P2RY1: variants seen among roughly 807,000 people sequenced by gnomAD.
P2RY1 encodes P2Y purinoceptor 1.
P2RY1 carries 14 observed loss-of-function variants against 22.8 expected under a neutral mutation model. The ratio of observed to expected loss-of-function variants is 0.61; its 90% CI spans 0.41 to 0.96. P2RY1 has a LOEUF of 0.96. P2RY1 is among the 40% of genes least tolerant of loss of function. P2RY1 has a pLI of 0.00. For missense variants in P2RY1, 395 were observed against 470.3 expected (o/e 0.84, Z 1.48); for synonymous variants, 200 against 195.1 (o/e 1.03, Z -0.21).
At position 152,838,917 on chromosome 3, in the gene P2RY1, G is replaced by A. The variant is rs1716236166; in HGVS notation, c.*2013G>A. 2 of 152,216 alleles carry A rather than the reference G, an allele frequency of 1.3e-5. No homozygotes were observed. The highest frequency in any genetic ancestry group is 4.1e-4 in the South Asian group (2 of 4,826). 9.4% of individuals were successfully genotyped at this position (152,216 alleles called of 1,614,324 possible). A position where few individuals can be genotyped will look rare whatever the true frequency, so the allele number is the denominator to read the frequency against. On this transcript the variant is annotated 3_prime_UTR_variant, in exon 1 of 1. Transcript: ENST00000305097. ...ATCTAAAATATGTCATTACTTTATTGACCTTGTTAAACAAGATCAATATCA... is the reference window on the plus strand; with the variant it reads ...ATCTAAAATATGTCATTACTTTATTAACCTTGTTAAACAAGATCAATATCA...
In P2RY1 at chr3:152,836,434, A is replaced by G; in HGVS notation, c.652A>G (p.Ser218Gly). ...GTACCTGCGAAGTTATTTCATCTAC[A>G]GCATGTGCACGACCGTGGCCATGTT... is the stretch of plus-strand genomic sequence containing the variant. ...DEYLRSYFIY[S>G]MCTTVAMFCV... Residue 218 changes from serine to glycine, a missense_variant, in exon 1 of 1, where the codon AGC becomes GGC. Around this residue, in one of 3 missense-constraint regions of P2RY1, gnomAD observed 291 missense variants for 361.6 expected, o/e 0.80. Coordinates refer to ENST00000305097, the MANE Select transcript of P2RY1 (RefSeq NM_002563.5). The surrounding 1 kb of genome is among the most constrained non-coding windows in gnomAD (Gnocchi z 5.6). 1.2e-6 allele frequency: 2 copies of G among 1,614,148 alleles called. No individual in the cohort carries two copies. The highest frequency in any genetic ancestry group is 1.7e-5 in the Admixed American group (1 of 60,026).
In P2RY1 at chr3:152,836,165, G is replaced by A; in HGVS notation, c.383G>A (p.Arg128Lys). The change falls in exon 1 of 1, where the codon AGG (arginine) becomes AAG (lysine). Residue 128 changes from arginine (R) to lysine (K), a missense_variant. Around this residue, in one of 3 missense-constraint regions of P2RY1, gnomAD observed 291 missense variants for 361.6 expected, o/e 0.80. Coordinates refer to ENST00000305097, the MANE Select transcript of P2RY1 (RefSeq NM_002563.5). The surrounding 1 kb of genome is among the most constrained non-coding windows in gnomAD (Gnocchi z 5.6). Reference protein sequence around the residue: ...IFGDAMCKLQRFIFHVNLYGS... With the variant: ...IFGDAMCKLQKFIFHVNLYGS... ...GGGGATGCCATGTGTAAACTGCAGA[G>A]GTTCATCTTTCATGTGAACCTCTAT... 6.2e-7 allele frequency: 1 copy of A among 1,614,172 alleles called. No homozygotes were observed. The highest frequency in any genetic ancestry group is 1.1e-5 in the South Asian group (1 of 91,080).
Position 152,841,264 on chromosome 3 carries a change from TGTGTGTGTG to T in P2RY1, c.*4361_*4369del, listed in dbSNP as rs898126930. On this transcript the variant is annotated 3_prime_UTR_variant, in exon 1 of 1. Coordinates refer to ENST00000305097, the MANE Select transcript of P2RY1 (RefSeq NM_002563.5). The stretch of plus-strand genomic sequence containing the variant: ...TTGCATGTAAGAGTATGCAAAACCT[TGTGTGTGTG>T]TGTGTGTGTGTGTGTGTGTGTGTGT... 1.8e-5 allele frequency: 1 copy of T among 55,338 alleles called. No homozygotes were observed. The highest frequency in any genetic ancestry group is 3.2e-5 in the Non-Finnish European group (1 of 31,100). 3.4% of individuals were successfully genotyped at this position (55,338 alleles called of 1,614,324 possible).
Position 152,835,660 on chromosome 3 carries a change from G to A in P2RY1, c.-123G>A. 1 of 965,482 alleles carries A rather than the reference G, an allele frequency of 1.0e-6. No individual in the cohort carries two copies. Among genetic ancestry groups the A allele is most frequent in the South Asian group, 1.7e-5 (1 of 57,508 alleles). The allele number at this position is 965,482 out of a possible 1,614,324, so 59.8% of individuals were successfully genotyped here. On this transcript the variant is annotated 5_prime_UTR_variant, in exon 1 of 1. Transcript: ENST00000305097. ...GCCCCTGCGCGCCCCCTCCCGCGGGGATCCAGTTCGCCTGCTCCCTTCCGC... is the reference window on the plus strand; with the variant it reads ...GCCCCTGCGCGCCCCCTCCCGCGGGAATCCAGTTCGCCTGCTCCCTTCCGC...
Position 152,840,266 on chromosome 3 carries a change from G to A in P2RY1, c.*3362G>A, listed in dbSNP as rs2108029686. 6.6e-6 allele frequency: 1 copy of A among 151,994 alleles called. No homozygotes were observed. The highest frequency in any genetic ancestry group is 2.4e-5 in the African/African-American group (1 of 41,478). 9.4% of individuals were successfully genotyped at this position (151,994 alleles called of 1,614,324 possible). On this transcript the variant is annotated 3_prime_UTR_variant, in exon 1 of 1. Transcript: ENST00000305097. Reference sequence around the variant, plus strand: ...GAATATTTAAGTCTTCACATTTTTTGGTCTAAAATATGAAAATGTTTCATG... The same window carrying A: ...GAATATTTAAGTCTTCACATTTTTTAGTCTAAAATATGAAAATGTTTCATG...
Position 152,836,920 on chromosome 3 carries a change from C to T in P2RY1, c.*16C>T, listed in dbSNP as rs1025079638. ...AAGCCTGTGAAGGCACAAGAATCTC[C>T]AAACACCTCTCTGTTGTAATATGGT... is the stretch of plus-strand genomic sequence containing the variant. On this transcript the variant is annotated 3_prime_UTR_variant, in exon 1 of 1. Coordinates refer to ENST00000305097, the MANE Select transcript of P2RY1 (RefSeq NM_002563.5). The surrounding 1 kb of genome is among the most constrained non-coding windows in gnomAD (Gnocchi z 5.6). 7 of 1,575,818 alleles carry T rather than the reference C, an allele frequency of 4.4e-6. No homozygotes were observed. In the African/African-American group the frequency reaches 8.1e-5, roughly 18 times the overall value.
In P2RY1 at chr3:152,837,027, TAAAA is replaced by T; in HGVS notation, c.*127_*130del. The T allele has an allele frequency of 1.3e-6, 1 of 766,044 alleles. No individual in the cohort carries two copies. Among genetic ancestry groups the T allele is most frequent in the Non-Finnish European group, 2.1e-6 (1 of 476,544 alleles). 47.5% of individuals were successfully genotyped at this position (766,044 alleles called of 1,614,324 possible). On this transcript the variant is annotated 3_prime_UTR_variant, in exon 1 of 1. Transcript: ENST00000305097. ...AAATCAAACCAAGAAAATAGTGAGT[TAAAA>T]AAATAATAGAAGTAGAAATGCCCAC...
chr3:152,840,463 G>A lies in P2RY1; in HGVS notation c.*3559G>A, dbSNP rs1716270606. 1 of 152,060 alleles carries A rather than the reference G, an allele frequency of 6.6e-6. No homozygotes were observed. The highest frequency in any genetic ancestry group is 1.5e-5 in the Non-Finnish European group (1 of 67,990). The allele number at this position is 152,060 out of a possible 1,614,324, so 9.4% of individuals were successfully genotyped here. A position where few individuals can be genotyped will look rare whatever the true frequency, so the allele number is the denominator to read the frequency against. On this transcript the variant is annotated 3_prime_UTR_variant, in exon 1 of 1. Transcript: ENST00000305097. ...TCTACATTTTATATATTAAATAAAA[G>A]TTTTTGTTGTCTTTTCAGGAGGTTT...
In P2RY1 at chr3:152,838,456, A is replaced by G. The variant is rs547502025; in HGVS notation, c.*1552A>G. 3 of 152,342 alleles carry G rather than the reference A, an allele frequency of 2.0e-5. 1 individual carries two copies. The highest frequency in any genetic ancestry group is 1.9e-4 in the East Asian group (1 of 5,188). 9.4% of individuals were successfully genotyped at this position (152,342 alleles called of 1,614,324 possible). ...AAAGGAATTTTTAGTTTTGGAAGCT[A>G]TCCCTCATAAAGTCAACATCAGAGT... On this transcript the variant is annotated 3_prime_UTR_variant, in exon 1 of 1. Transcript: ENST00000305097.
Position 152,838,811 on chromosome 3 carries a change from A to G in P2RY1, c.*1907A>G, listed in dbSNP as rs1357381016. 1 of 152,220 alleles carries G rather than the reference A, an allele frequency of 6.6e-6. No homozygotes were observed. Among genetic ancestry groups the G allele is most frequent in the East Asian group, 1.9e-4 (1 of 5,206 alleles). The allele number at this position is 152,220 out of a possible 1,614,324, so 9.4% of individuals were successfully genotyped here. On this transcript the variant is annotated 3_prime_UTR_variant, in exon 1 of 1. Transcript: ENST00000305097. ...AAGAAGAAACCTACTACACCTCCTTATTTTGAGGAAAGAGAGGGTTAGCAA... is the reference window on the plus strand; with the variant it reads ...AAGAAGAAACCTACTACACCTCCTTGTTTTGAGGAAAGAGAGGGTTAGCAA...
At position 152,836,298 on chromosome 3, in the gene P2RY1, C is replaced by T; in HGVS notation, c.516C>T (p.Ser172=). ...RLKKKNAICI[S]VLVWLIVVVA... is the part of the protein sequence containing the mutation. ...AAAAGAAGAATGCGATCTGTATCAG[C>T]GTGCTGGTGTGGCTCATTGTGGTGG... Residue 172 remains serine, a synonymous_variant, in exon 1 of 1, where the codon AGC becomes AGT. Transcript: ENST00000305097. This position sits in a 1 kb window ranked among gnomAD's most constrained non-coding sequence, Gnocchi z 5.6. The T allele has an allele frequency of 6.2e-7, 1 of 1,614,116 alleles. No homozygotes were observed. The highest frequency in any genetic ancestry group is 1.3e-5 in the African/African-American group (1 of 75,022).
In P2RY1 at chr3:152,835,462, G is replaced by A; in HGVS notation, c.-321G>A. The A allele has an allele frequency of 5.4e-6, 2 of 369,154 alleles. No individual in the cohort carries two copies. Among genetic ancestry groups the A allele is most frequent in the Non-Finnish European group, 4.9e-6 (1 of 204,994 alleles). 22.9% of individuals were successfully genotyped at this position (369,154 alleles called of 1,614,324 possible). A position where few individuals can be genotyped will look rare whatever the true frequency, so the allele number is the denominator to read the frequency against. ...GCAGCGCGGACCCGCGGCCCCTCGG[G>A]AAAGCGCAGTCGGAAAGTTATCCGC... On this transcript the variant is annotated 5_prime_UTR_variant, in exon 1 of 1. Transcript: ENST00000305097.
rs1302084185 is a variant in P2RY1 at position 152,840,118 on chromosome 3, T to C, written c.*3214T>C. 1.3e-5 allele frequency: 2 copies of C among 152,326 alleles called. No homozygotes were observed. The highest frequency in any genetic ancestry group is 2.1e-4 in the South Asian group (1 of 4,830). The allele number at this position is 152,326 out of a possible 1,614,324, so 9.4% of individuals were successfully genotyped here. The stretch of plus-strand genomic sequence containing the variant: ...TTTCATGAAAGATCCAACATACTAA[T>C]GTAAATTATATTTATTACAATGTAT... On this transcript the variant is annotated 3_prime_UTR_variant, in exon 1 of 1. Transcript: ENST00000305097.
Position 152,836,034 on chromosome 3 carries a change from C to G in P2RY1, c.252C>G (p.Ser84Arg). The stretch of plus-strand genomic sequence containing the variant: ...TCGTCTTCCACATGAAGCCCTGGAG[C>G]GGCATCTCCGTGTACATGTTCAATT... ...WMFVFHMKPW[S>R]GISVYMFNLA... is the part of the protein sequence containing the mutation. The change falls in exon 1 of 1, where the codon AGC becomes AGG. Residue 84 changes from serine to arginine, a missense_variant. Ser to Arg is a moderately radical substitution (Grantham distance 110, BLOSUM62 -1). Around this residue, in one of 3 missense-constraint regions of P2RY1, gnomAD observed 291 missense variants for 361.6 expected, o/e 0.80. Transcript: ENST00000305097. This position sits in a 1 kb window ranked among gnomAD's most constrained non-coding sequence, Gnocchi z 5.6. 6.2e-7 allele frequency: 1 copy of G among 1,614,188 alleles called. No homozygotes were observed. Among genetic ancestry groups the G allele is most frequent in the African/African-American group, 1.3e-5 (1 of 75,044 alleles).
At position 152,835,840 on chromosome 3, in the gene P2RY1, G is replaced by T; in HGVS notation, c.58G>T (p.Gly20Cys). The change falls in exon 1 of 1, where the codon GGT becomes TGT. Residue 20 changes from glycine (G) to cysteine (C), a missense_variant. Gly to Cys is a radical substitution (Grantham distance 159). Coordinates refer to ENST00000305097, the MANE Select transcript of P2RY1 (RefSeq NM_002563.5). ...PNGTDAAFLA[G>C]PGSSWGNSTV... Reference sequence around the variant, plus strand: ...CGGGACGGACGCTGCCTTCCTGGCCGGTCCGGGTTCGTCCTGGGGGAACAG... The same window carrying T: ...CGGGACGGACGCTGCCTTCCTGGCCTGTCCGGGTTCGTCCTGGGGGAACAG... 9.3e-6 allele frequency: 15 copies of T among 1,612,702 alleles called. No homozygotes were observed. Among genetic ancestry groups the T allele is most frequent in the Non-Finnish European group, 1.3e-5 (15 of 1,180,002 alleles).
In P2RY1 at chr3:152,835,856, G is replaced by A. The variant is rs773771939; in HGVS notation, c.74G>A (p.Trp25Ter). The change falls in exon 1 of 1, where the codon TGG becomes TAG. Residue 25 changes from tryptophan (W) to a stop codon, truncating the protein, a stop_gained. Transcript: ENST00000305097. LOFTEE classifies it high-confidence loss of function. ...TTCCTGGCCGGTCCGGGTTCGTCCT[G>A]GGGGAACAGCACGGTCGCCTCCACT... Reference protein sequence around the residue: ...AAFLAGPGSSWGNSTVASTAA... With the variant: ...AAFLAGPGSS 1 of 1,613,382 alleles carries A rather than the reference G, an allele frequency of 6.2e-7. No homozygotes were observed. Among genetic ancestry groups the A allele is most frequent in the Non-Finnish European group, 8.5e-7 (1 of 1,180,026 alleles).
In P2RY1 at chr3:152,836,271, C is replaced by G; in HGVS notation, c.489C>G (p.Leu163=). The change falls in exon 1 of 1, where the codon CTC becomes CTG. Residue 163 remains leucine (L), a synonymous_variant. Coordinates refer to ENST00000305097, the MANE Select transcript of P2RY1 (RefSeq NM_002563.5). This position sits in a 1 kb window ranked among gnomAD's most constrained non-coding sequence, Gnocchi z 5.6. ...VVYPLKSLGR[L]KKKNAICISV... ...ACCCCCTCAAGTCCCTGGGCCGGCTCAAAAAGAAGAATGCGATCTGTATCA... is the reference window on the plus strand; with the variant it reads ...ACCCCCTCAAGTCCCTGGGCCGGCTGAAAAAGAAGAATGCGATCTGTATCA... 1 of 1,614,046 alleles carries G rather than the reference C, an allele frequency of 6.2e-7. No homozygotes were observed. The highest frequency in any genetic ancestry group is 8.5e-7 in the Non-Finnish European group (1 of 1,180,008).
Position 152,837,708 on chromosome 3 carries a change from C to T in P2RY1, c.*804C>T, listed in dbSNP as rs967687537. ...TTGTGATAAAGAGCATTTACTTGCC[C>T]CACTGCTGTGCAATGCCTTAGGACT... On this transcript the variant is annotated 3_prime_UTR_variant, in exon 1 of 1. Coordinates refer to ENST00000305097, the MANE Select transcript of P2RY1 (RefSeq NM_002563.5). The T allele has an allele frequency of 1.3e-4, 22 of 167,032 alleles. No homozygotes were observed. The highest frequency in any genetic ancestry group is 5.1e-4 in the African/African-American group (21 of 41,434). 10.3% of individuals were successfully genotyped at this position (167,032 alleles called of 1,614,324 possible).
chr3:152,838,799 C>T lies in P2RY1; in HGVS notation c.*1895C>T, dbSNP rs1285247650. The T allele has an allele frequency of 2.0e-5, 3 of 152,212 alleles. No homozygotes were observed. The highest frequency in any genetic ancestry group is 4.4e-5 in the Non-Finnish European group (3 of 68,032). 9.4% of individuals were successfully genotyped at this position (152,212 alleles called of 1,614,324 possible). On this transcript the variant is annotated 3_prime_UTR_variant, in exon 1 of 1. Transcript: ENST00000305097. ...AGAAACCAAATCAAGAAGAAACCTACTACACCTCCTTATTTTGAGGAAAGA... is the reference window on the plus strand; with the variant it reads ...AGAAACCAAATCAAGAAGAAACCTATTACACCTCCTTATTTTGAGGAAAGA...
Sources: allele counts gnomAD v4.1 joint callset, GRCh38; gene constraint gnomAD v4.1.1; regional missense constraint gnomAD v4.1.1; non-coding constraint Gnocchi (gnomAD v3.1); transcripts MANE v1.5; gene names NCBI Gene and HGNC (gene_info 2026-07-23, HGNC 2026-07-21).